HSD17B14: variants seen among roughly 807,000 people sequenced by gnomAD.
The protein encoded by HSD17B14 is L-fucose dehydrogenase.
HSD17B14 carries 32 observed loss-of-function variants against 32.2 expected under a neutral mutation model. That is an observed-to-expected ratio of 0.99 (90% CI 0.75 to 1.33). HSD17B14 has a LOEUF of 1.33. Ranked by LOEUF, HSD17B14 falls within the 40% of genes most tolerant of loss-of-function variation. The probability of loss-of-function intolerance (pLI) is 0.00; values close to 1 mark genes in which losing one functional copy is unlikely to be tolerated. For synonymous variants in HSD17B14, 140 were observed against 155.4 expected (o/e 0.90, Z 0.74); for missense variants, 370 against 366.5 (o/e 1.01, Z -0.08).
chr19:48,818,308 C>CAAA (rs767701282), intron 5 of HSD17B14, among the ~76,000 whole-genome samples: 6 of 103,824 alleles, frequency 5.8e-5, no homozygotes, highest in African/African-American at 1.2e-4. Flanking sequence ...AAGACTGTCT[C>CAAA]AAAAAAAAAG....
At chr19:48,827,189 C>T (rs2035265266) in intron 5 of HSD17B14, among the ~76,000 whole-genome samples, 1 of 151,730 alleles carries the variant, frequency 6.6e-6, no homozygotes, top group Admixed American at 6.6e-5. Flanking sequence ...ATTACAGGCG[C>T]CCACCACCAC....
At chr19:48,825,374 C>A (rs888343726) in intron 5 of HSD17B14, among the ~76,000 whole-genome samples, 3 of 151,822 alleles carry the variant, frequency 2.0e-5, no homozygotes, top group African/African-American at 4.8e-5. Context: ...TGCAGCGGCA[C>A]AATCATAGCT....
At chr19:48,825,920 A>G (rs1490452220) in intron 5 of HSD17B14, among the ~76,000 whole-genome samples, 1 of 152,028 alleles carries the variant, frequency 6.6e-6, no homozygotes, top group Non-Finnish European at 1.5e-5. Context: ...TCCTGGGTTC[A>G]CGCCATTCTC....
chr19:48,836,281 C>T (rs1417374599), intron 1 of HSD17B14, 43 bp downstream of exon 1: 1 of 1,591,822 alleles, frequency 6.3e-7, no homozygotes, highest in South Asian at 1.1e-5. Context: ...CCCATCCTTC[C>T]TTTCTCACAC....
At position 48,831,779 on chromosome 19, in the gene HSD17B14, A is replaced by G. The variant is rs1165532795; in HGVS notation, c.278-20T>C. On this transcript the variant is annotated intron_variant, in intron 4 of 8. Transcript: ENST00000263278. ...GTGGGTCTAAAGTGGGGGGTGAGAG[A>G]GAGAGGAAAAGTGACGGGGGCTGGA... 6.9e-7 allele frequency: 1 copy of G among 1,450,272 alleles called. No homozygotes were observed. Among genetic ancestry groups the G allele is most frequent in the Admixed American group, 1.7e-5 (1 of 57,976 alleles). The allele number at this position is 1,450,272 out of a possible 1,614,324, so 89.8% of individuals were successfully genotyped here. A position where few individuals can be genotyped will look rare whatever the true frequency, so the allele number is the denominator to read the frequency against.
chr19:48,830,351 A>G (rs892332334), intron 5 of HSD17B14, among the ~76,000 whole-genome samples: 4 of 152,112 alleles, frequency 2.6e-5, no homozygotes, highest in African/African-American at 4.8e-5. Context: ...TCCAGCGTCT[A>G]TCACCTTGGG....
intron 5 of HSD17B14, among the ~76,000 whole-genome samples, chr19:48,819,323 C>G (rs118074606): frequency 5.9e-5 from 9 of 152,152 alleles, no homozygotes; most frequent in Non-Finnish European, 1.3e-4. Context: ...GGTTCTCCCA[C>G]TCTCACGCTT....
chr19:48,830,452 T>C (rs1244451622), intron 5 of HSD17B14, among the ~76,000 whole-genome samples: 4 of 148,480 alleles, frequency 2.7e-5, no homozygotes, highest in African/African-American at 7.4e-5. Context: ...TTCTGTAAGA[T>C]TGTTTTAACT....
chr19:48,821,345 G>T (rs1039030926), intron 5 of HSD17B14, among the ~76,000 whole-genome samples: 3 of 152,184 alleles, frequency 2.0e-5, no homozygotes, highest in Non-Finnish European at 4.4e-5. Context: ...GAACAATCCA[G>T]CTCTGAGAGA....
chr19:48,826,542 T>TATATATATATATATATAG lies in HSD17B14; in HGVS notation c.369+5125_369+5126insCTATATATATATATATAT. Among the ~76,000 whole-genome samples, 149 of 80,118 alleles carry TATATATATATATATATAG rather than the reference T, an allele frequency of 1.9e-3. 2 individuals carry two copies. The highest frequency in any genetic ancestry group is 7.4e-3 in the African/African-American group (141 of 19,082). 52.6% of individuals were successfully genotyped at this position (80,118 alleles called of 152,430 possible). A position where few individuals can be genotyped will look rare whatever the true frequency, so the allele number is the denominator to read the frequency against. On this transcript the variant is annotated intron_variant, in intron 5 of 8. Transcript: ENST00000263278. ...GAAAAGAAGAAAATATATATATATATACACACACACACACACACACACACA... is the reference window on the plus strand; with the variant it reads ...GAAAAGAAGAAAATATATATATATATATATATATATATATATAGACACACACACACACACACACACACA...
intron 5 of HSD17B14, among the ~76,000 whole-genome samples, chr19:48,821,468 A>G (rs1232449445): frequency 6.6e-6 from 1 of 152,160 alleles, no homozygotes; most frequent in Non-Finnish European, 1.5e-5. Context: ...TCCCTAGCCT[A>G]GGGAGTCACA....
Position 48,836,181 on chromosome 19 carries a change from C to G in HSD17B14, c.88+143G>C, listed in dbSNP as rs751559278. 8.2e-6 allele frequency: 7 copies of G among 851,188 alleles called. No individual in the cohort carries two copies. The East Asian group carries it at 1.5e-4, about 19-fold the overall frequency. The allele number at this position is 851,188 out of a possible 1,614,324, so 52.7% of individuals were successfully genotyped here. On this transcript the variant is annotated intron_variant, in intron 1 of 8. Transcript: ENST00000263278. ...CTCAGCCCTAGCCTACAGCGCCACA[C>G]GCTTACTTTAGCCTGCAAATTGGCT... is the stretch of plus-strand genomic sequence containing the variant.
chr19:48,821,932 G>C (rs2035157080), intron 5 of HSD17B14, among the ~76,000 whole-genome samples: 1 of 72,606 alleles, frequency 1.4e-5, no homozygotes, highest in Non-Finnish European at 3.2e-5. Flanking sequence ...TGTTGGTGAG[G>C]ATGGTGACGT....
intron 5 of HSD17B14, among the ~76,000 whole-genome samples, chr19:48,828,855 T>C (rs1004321966): frequency 2.6e-5 from 4 of 151,226 alleles, no homozygotes; most frequent in Admixed American, 6.6e-5. Flanking sequence ...GGGTCAGGAG[T>C]TCAAGACCAG....
At chr19:48,813,591 C>T (rs763656800) in intron 7 of HSD17B14, 39 bp from the exon 8 acceptor site, 4 of 1,612,884 alleles carry the variant, frequency 2.5e-6, no homozygotes, top group African/African-American at 1.3e-5. Context: ...CAATCTGTCT[C>T]GAACCACTTG....
At chr19:48,821,303 G>A (rs35941009) in intron 5 of HSD17B14, among the ~76,000 whole-genome samples, 34,253 of 152,092 alleles carry the variant, frequency 0.23, 3,975 homozygotes, top group Admixed American at 0.26. Context: ...ATGAGCCACC[G>A]CGCCTGGCCT....
chr19:48,819,083 G>C (rs564685545), intron 5 of HSD17B14, among the ~76,000 whole-genome samples: 1 of 152,158 alleles, frequency 6.6e-6, no homozygotes, highest in Admixed American at 6.5e-5. Context: ...CCACCTCCCA[G>C]GTTCAAGCAA....
chr19:48,825,443 G>C (rs1450272653), intron 5 of HSD17B14, among the ~76,000 whole-genome samples: 1 of 151,740 alleles, frequency 6.6e-6, no homozygotes, highest in Non-Finnish European at 1.5e-5. Flanking sequence ...GAGTAGCTGC[G>C]ACTACAGATG....
chr19:48,816,653 C>G (rs2035055698), intron 5 of HSD17B14, among the ~76,000 whole-genome samples: 1 of 152,138 alleles, frequency 6.6e-6, no homozygotes, highest in Admixed American at 6.6e-5. Context: ...CCTGGCTATA[C>G]TGTTTAAAGC....
Sources: allele counts gnomAD v4.1 joint callset (sites outside exome capture counted in the v4.1 genomes callset), GRCh38; gene constraint gnomAD v4.1.1; transcripts MANE v1.5; gene names NCBI Gene and HGNC (gene_info 2026-07-23, HGNC 2026-07-21).